FBXO11: variants seen among roughly 807,000 people sequenced by gnomAD.
FBXO11 encodes F-box protein 11.
Under a neutral mutation model 117.0 loss-of-function variants are expected in FBXO11, and 13 were observed. The ratio of observed to expected loss-of-function variants is 0.11; its 90% confidence interval spans 0.07 to 0.18. The LOEUF is 0.18. Among genes scored for constraint, FBXO11 ranks in the 10% least tolerant of loss-of-function variants. The pLI, the probability that FBXO11 is intolerant of heterozygous loss-of-function variation, is 1.00. For synonymous variants in FBXO11, 490 were observed against 380.5 expected, an observed-to-expected ratio of 1.29 and a Z score of -3.35; for missense variants, 767 against 1,164.4, an observed-to-expected ratio of 0.66 and a Z score of 4.97.
chr2:47,836,578 A>T (rs1672576394), intron 4 of FBXO11, among the ~76,000 whole-genome samples: 1 of 151,886 alleles, frequency 6.6e-6, no homozygotes, highest in Non-Finnish European at 1.5e-5. Context: ...AGCCTCCCTA[A>T]GTGCTGGGAT....
At chr2:47,821,746 C>T (rs1339611807) in intron 13 of FBXO11, among the ~76,000 whole-genome samples, 1 of 152,116 alleles carries the variant, frequency 6.6e-6, no homozygotes, top group African/African-American at 2.4e-5. Flanking sequence ...GATTGTGTCA[C>T]TGCACTCCAG....
chr2:47,861,269 T>A (rs1002998990), intron 1 of FBXO11, among the ~76,000 whole-genome samples: 9 of 152,134 alleles, frequency 5.9e-5, no homozygotes, highest in Non-Finnish European at 1.5e-5. Context: ...GGAGTAGATA[T>A]TGTAATTGAC....
intron 7 of FBXO11, 28 bp downstream of exon 7, chr2:47,834,551 A>T: frequency 6.7e-7 from 1 of 1,501,574 alleles, no homozygotes; most frequent in East Asian, 2.3e-5. Flanking sequence ...AAATATTAAA[A>T]TTTTAATGAC....
At chr2:47,815,076 C>T (rs1268877164) in intron 16 of FBXO11, among the ~76,000 whole-genome samples, 1 of 152,178 alleles carries the variant, frequency 6.6e-6, no homozygotes, top group Admixed American at 6.5e-5. Flanking sequence ...GAATTAGTTC[C>T]TCCACCAAAG....
intron 1 of FBXO11, among the ~76,000 whole-genome samples, chr2:47,859,444 C>A (rs1016356493): frequency 6.6e-6 from 1 of 152,080 alleles, no homozygotes; most frequent in Non-Finnish European, 1.5e-5. Context: ...ACTAATTTCA[C>A]CGATTGGTGC....
intron 11 of FBXO11, among the ~76,000 whole-genome samples, chr2:47,824,393 G>A (rs1385553063): frequency 1.3e-5 from 2 of 152,198 alleles, no homozygotes; most frequent in Middle Eastern, 3.2e-3. Context: ...TAGGGAGGCT[G>A]AGGTGGGAGG....
chr2:47,831,427 G>GAAAAAAAAAAAAAAAAAAAAA (rs920107554), intron 11 of FBXO11, among the ~76,000 whole-genome samples: 4 of 65,744 alleles, frequency 6.1e-5, no homozygotes, highest in Admixed American at 2.0e-4. Context: ...GTCTCAAAAA[G>GAAAAAAAAAAAAAAAAAAAAA]AAAAAAAAAA....
intron 1 of FBXO11, among the ~76,000 whole-genome samples, chr2:47,866,281 A>G (rs1675190370): frequency 6.6e-6 from 1 of 151,790 alleles, no homozygotes; most frequent in Non-Finnish European, 1.5e-5. Flanking sequence ...GGAAAGGGAA[A>G]TAAAAATGAT....
chr2:47,834,167 T>C (rs1293264601), intron 7 of FBXO11, among the ~76,000 whole-genome samples: 2 of 152,090 alleles, frequency 1.3e-5, no homozygotes, highest in Non-Finnish European at 2.9e-5. Flanking sequence ...CTGGCCAACA[T>C]GGCGAAACCC....
intron 1 of FBXO11, among the ~76,000 whole-genome samples, chr2:47,882,888 A>G (rs996432614): frequency 1.2e-4 from 18 of 152,020 alleles, no homozygotes; most frequent in Non-Finnish European, 1.6e-4. Context: ...AGCTCAAGCG[A>G]TCTCCCTGTC....
intron 11 of FBXO11, among the ~76,000 whole-genome samples, chr2:47,827,239 T>G (rs868045847): frequency 6.6e-6 from 1 of 152,256 alleles, no homozygotes; most frequent in Non-Finnish European, 1.5e-5. Flanking sequence ...ACTTATAGTT[T>G]TATAATTTTG....
chr2:47,871,381 A>C (rs902081733), intron 1 of FBXO11, among the ~76,000 whole-genome samples: 1 of 152,154 alleles, frequency 6.6e-6, no homozygotes, highest in Admixed American at 6.5e-5. Context: ...CCCAGTCAAG[A>C]CTTCAAATGA....
At chr2:47,820,680 A>C (rs964010537) in intron 13 of FBXO11, among the ~76,000 whole-genome samples, 1 of 152,158 alleles carries the variant, frequency 6.6e-6, no homozygotes, top group African/African-American at 2.4e-5. Context: ...GAATCCCAGG[A>C]ATTCCACTTC....
chr2:47,887,734 G>A (rs755711585), intron 1 of FBXO11, among the ~76,000 whole-genome samples: 7 of 152,104 alleles, frequency 4.6e-5, no homozygotes, highest in South Asian at 2.1e-4. Context: ...GGTGGCACAC[G>A]CCTGTAGTCC....
At chr2:47,836,810 T>C (rs951395607) in intron 4 of FBXO11, among the ~76,000 whole-genome samples, 1 of 152,014 alleles carries the variant, frequency 6.6e-6, no homozygotes, top group African/African-American at 2.4e-5. Context: ...TGAGACAGAG[T>C]CTCACTCCCG....
chr2:47,850,946 C>T (rs576388193), intron 1 of FBXO11, among the ~76,000 whole-genome samples: 1 of 152,268 alleles, frequency 6.6e-6, no homozygotes, highest in South Asian at 2.1e-4. Context: ...AGTCAAAATT[C>T]ATAAAATACA....
At chr2:47,858,617 G>C (rs1161876261) in intron 1 of FBXO11, among the ~76,000 whole-genome samples, 2 of 147,654 alleles carry the variant, frequency 1.4e-5, no homozygotes, top group East Asian at 2.0e-4. Flanking sequence ...GGGAGGCAGA[G>C]GTTGCAGTGA....
chr2:47,825,818 C>A (rs1671711856), intron 11 of FBXO11, among the ~76,000 whole-genome samples: 1 of 152,064 alleles, frequency 6.6e-6, no homozygotes, highest in Non-Finnish European at 1.5e-5. Flanking sequence ...CTCAAGCAAT[C>A]CTCCCGCCTT....
chr2:47,856,798 A>C (rs1423589934), intron 1 of FBXO11, among the ~76,000 whole-genome samples: 1 of 152,268 alleles, frequency 6.6e-6, no homozygotes, highest in African/African-American at 2.4e-5. Flanking sequence ...ATCAACTGTG[A>C]TAATGAAAAT....
Sources: allele counts gnomAD v4.1 joint callset (sites outside exome capture counted in the v4.1 genomes callset), GRCh38; gene constraint gnomAD v4.1.1; transcripts MANE v1.5; gene names NCBI Gene and HGNC (gene_info 2026-07-23, HGNC 2026-07-21).